Variants in GAS2 observed in about 807,000 individuals in gnomAD.
The protein encoded by GAS2 is growth arrest specific 2.
Under a neutral mutation model 37.5 loss-of-function variants are expected in GAS2, and 20 were observed. That is an observed-to-expected ratio of 0.53 (90% CI 0.37 to 0.77). The LOEUF (loss-of-function observed/expected upper bound fraction) is 0.77. Among genes scored for constraint, GAS2 ranks in the 30% least tolerant of loss-of-function variants. The probability of loss-of-function intolerance (pLI) is 0.00; values close to 1 mark genes in which losing one functional copy is unlikely to be tolerated. For synonymous variants in GAS2, 144 were observed against 132.2 expected, an observed-to-expected ratio of 1.09 and a Z score of -0.61; for missense variants, 336 against 373.4, an observed-to-expected ratio of 0.90 and a Z score of 0.82.
chr11:22,679,281 T>G (rs996852946), intron 2 of GAS2, among the ~76,000 whole-genome samples: 3 of 152,138 alleles, frequency 2.0e-5, no homozygotes, highest in Non-Finnish European at 4.4e-5. Context: ...AAAAGTTTAT[T>G]TAGCCATTGT....
chr11:22,804,743 A>C (rs1856811304), intron 7 of GAS2, among the ~76,000 whole-genome samples: 1 of 152,108 alleles, frequency 6.6e-6, no homozygotes, highest in Admixed American at 6.6e-5. Context: ...AGAGGTGTCA[A>C]GAGAGGATGC....
At chr11:22,763,610 T>TACACACAC (rs1482270791) in intron 7 of GAS2, among the ~76,000 whole-genome samples, 2 of 84,530 alleles carry the variant, frequency 2.4e-5, no homozygotes, top group East Asian at 3.9e-4. Context: ...TTTAAAAAAA[T>TACACACAC]ACACATACAC....
chr11:22,730,944 G>A (rs564559809), intron 4 of GAS2, among the ~76,000 whole-genome samples: 54 of 151,770 alleles, frequency 3.6e-4, no homozygotes, highest in African/African-American at 1.2e-3. Context: ...GATGTTGAGT[G>A]TTTTTATGGG....
In GAS2 at chr11:22,726,321, A is replaced by T. The variant is rs755388808; in HGVS notation, c.297A>T (p.Lys99Asn). The T allele has an allele frequency of 1.2e-6, 2 of 1,607,904 alleles. No homozygotes were observed. Among genetic ancestry groups the T allele is most frequent in the Non-Finnish European group, 1.7e-6 (2 of 1,178,394 alleles). The part of the protein sequence containing the change: ...KNLPLKKIPC[K>N]TSAPSGSFFA... ...TACCGTTGAAGAAGATCCCATGCAA[A>T]ACCAGTGCACCCTCGGGCTCCTTTT... The change falls in exon 4 of 8, where the codon AAA becomes AAT. Residue 99 changes from lysine to asparagine, a missense_variant. By Grantham distance (94) the Lys-to-Asn change is moderately conservative. Coordinates refer to ENST00000454584, the MANE Select transcript of GAS2 (RefSeq NM_001143830.3).
At chr11:22,688,830 A>G (rs1488226298) in intron 3 of GAS2, among the ~76,000 whole-genome samples, 1 of 152,180 alleles carries the variant, frequency 6.6e-6, no homozygotes, top group East Asian at 1.9e-4. Flanking sequence ...CCAAAAAGTC[A>G]CATGCACCTG....
At chr11:22,726,744 CAG>C (rs1852235181) in intron 4 of GAS2, among the ~76,000 whole-genome samples, 2 of 152,004 alleles carry the variant, frequency 1.3e-5, no homozygotes, top group African/African-American at 4.8e-5. Flanking sequence ...ATTTGGAAAA[CAG>C]AGGACCAAAT....
chr11:22,680,450 A>G (rs1005487888), intron 2 of GAS2, among the ~76,000 whole-genome samples: 1 of 152,128 alleles, frequency 6.6e-6, no homozygotes, highest in Non-Finnish European at 1.5e-5. Context: ...ATACTGAATA[A>G]TTTTGGTTAA....
At chr11:22,773,123 C>T (rs1855072142) in intron 7 of GAS2, among the ~76,000 whole-genome samples, 1 of 152,070 alleles carries the variant, frequency 6.6e-6, no homozygotes, top group African/African-American at 2.4e-5. Context: ...CTACATAGTG[C>T]CAATCTCATA....
intron 3 of GAS2, among the ~76,000 whole-genome samples, chr11:22,723,208 C>G (rs1192859684): frequency 2.6e-5 from 4 of 151,818 alleles, no homozygotes; most frequent in Non-Finnish European, 5.9e-5. Flanking sequence ...ACCTAAATGC[C>G]AAGTAGTTAG....
intron 2 of GAS2, among the ~76,000 whole-genome samples, chr11:22,684,145 A>G (rs1182724262): frequency 1.3e-5 from 2 of 152,230 alleles, no homozygotes; most frequent in Admixed American, 1.3e-4. Flanking sequence ...AAGGCAGCCT[A>G]TAGATAGATC....
chr11:22,715,474 A>AAG (rs1214606149), intron 3 of GAS2, among the ~76,000 whole-genome samples: 2 of 149,242 alleles, frequency 1.3e-5, no homozygotes, highest in East Asian at 3.9e-4. Flanking sequence ...AAAAAAAAAA[A>AAG]AAAAAAAAAG....
At chr11:22,652,993 GTCTT>G (rs10590128) in intron 1 of GAS2, among the ~76,000 whole-genome samples, 120 of 97,112 alleles carry the variant, frequency 1.2e-3, no homozygotes, top group Middle Eastern at 5.5e-3. Context: ...TTCTTTCTTT[GTCTT>G]TCTTTCTTTC....
intron 3 of GAS2, among the ~76,000 whole-genome samples, chr11:22,695,178 G>A (rs1850439055): frequency 6.6e-6 from 1 of 152,042 alleles, no homozygotes; most frequent in Admixed American, 6.6e-5. Context: ...AAAATTAGCT[G>A]GGTGTGGTGG....
At chr11:22,722,305 A>G (rs568191290) in intron 3 of GAS2, among the ~76,000 whole-genome samples, 1 of 152,050 alleles carries the variant, frequency 6.6e-6, no homozygotes, top group South Asian at 2.1e-4. Flanking sequence ...GTATTTTAGA[A>G]GCTATAAGTA....
intron 2 of GAS2, 77 bp downstream of exon 2, chr11:22,675,091 C>G: frequency 7.1e-7 from 1 of 1,415,186 alleles, no homozygotes; most frequent in Non-Finnish European, 9.6e-7. Flanking sequence ...TGTCCTTCAC[C>G]TAAGCATGTG....
At chr11:22,699,869 T>A (rs1254829042) in intron 3 of GAS2, among the ~76,000 whole-genome samples, 1 of 152,146 alleles carries the variant, frequency 6.6e-6, no homozygotes, top group East Asian at 1.9e-4. Flanking sequence ...AGAAAGAGCC[T>A]GATGGACAGC....
rs1408397905 is a variant in GAS2 at position 22,647,691 on chromosome 11, T to C, written c.-21+21878T>C. ...ATGGCCAGTGATGATGAGCATTTTT[T>C]CATGTGTTTCTTGGCTGCATAAATG... On this transcript the variant is annotated intron_variant, in intron 1 of 5. Transcript: ENST00000528582. 9.2e-5 allele frequency among the ~76,000 whole-genome samples: 14 copies of C among 152,370 alleles called. No individual in the cohort carries two copies. In the East Asian group the frequency reaches 2.7e-3, roughly 29 times the overall value.
chr11:22,771,200 C>A (rs1400656291), intron 7 of GAS2, among the ~76,000 whole-genome samples: 2 of 151,732 alleles, frequency 1.3e-5, no homozygotes, highest in African/African-American at 4.8e-5. Flanking sequence ...AAGACAGTAA[C>A]CTAGTAATAC....
intron 7 of GAS2, among the ~76,000 whole-genome samples, chr11:22,771,152 T>TG (rs1365354631): frequency 2.0e-5 from 3 of 152,112 alleles, no homozygotes; most frequent in Non-Finnish European, 4.4e-5. Flanking sequence ...ATGATACTTT[T>TG]GAAAAATGGC....
Sources: allele counts gnomAD v4.1 joint callset (sites outside exome capture counted in the v4.1 genomes callset), GRCh38; gene constraint gnomAD v4.1.1; transcripts MANE v1.5; gene names NCBI Gene and HGNC (gene_info 2026-07-23, HGNC 2026-07-21).